Variants in TLL1 observed in about 807,000 individuals in gnomAD.
TLL1 encodes tolloid like 1, also known as tolloid-like protein 1.
In TLL1, 49 loss-of-function variants were observed where a neutral mutation model predicts 128.2. The ratio of observed to expected loss-of-function variants is 0.38; its 90% CI spans 0.30 to 0.48. The LOEUF is 0.48. Ranked by LOEUF, TLL1 falls within the 20% of genes least tolerant of loss-of-function variation. The pLI, the probability that TLL1 is intolerant of heterozygous loss-of-function variation, is 0.96. For missense variants in TLL1, 1,123 were observed against 1,242.0 expected, an observed-to-expected ratio of 0.90 and a Z score of 1.44; for synonymous variants, 454 against 418.8, an observed-to-expected ratio of 1.08 and a Z score of -1.03.
intron 16 of TLL1, among the ~76,000 whole-genome samples, chr4:166,072,247 C>A (rs1740826599): frequency 6.6e-6 from 1 of 151,878 alleles, no homozygotes; most frequent in Admixed American, 6.6e-5. Flanking sequence ...TATGCTATAT[C>A]AGATGTGCGA....
In TLL1 at chr4:166,078,025, A is replaced by C. The variant is rs200520442; in HGVS notation, c.2437A>C (p.Lys813Gln). ...EISATPGHRI[K>Q]LAFSEFEIEQ... ...CAGCGCCACTCCTGGCCACCGAATC[A>C]AATTAGTAAGTGAGCACATCCTTTT... Residue 813 changes from lysine (K) to glutamine (Q), a missense_variant, in exon 18 of 21, where the codon AAA becomes CAA. Physicochemically the swap from Lys to Gln is moderately conservative, Grantham distance 53 (BLOSUM62 1). Around this residue, in one of 3 missense-constraint regions of TLL1, gnomAD observed 634 missense variants for 672.4 expected, o/e 0.94. Coordinates refer to ENST00000061240, the MANE Select transcript of TLL1 (RefSeq NM_012464.5). The C allele has an allele frequency of 1.9e-5, 31 of 1,613,580 alleles. No homozygotes were observed. The East Asian group carries it at 6.5e-4, about 34-fold the overall frequency.
rs1408495925 is a variant in TLL1 at position 165,873,409 on chromosome 4, G to C, written c.-496G>C. ...ATGTGCAGACCGGATTCATCTTCTC[G>C]GAGCTGCGGCGGCGGCTTTGGGCTC... On this transcript the variant is annotated 5_prime_UTR_variant, in exon 1 of 21. Transcript: ENST00000061240. The C allele has an allele frequency of 6.5e-6, 1 of 152,946 alleles. No homozygotes were observed. The highest frequency in any genetic ancestry group is 1.5e-5 in the Non-Finnish European group (1 of 68,696). 9.5% of individuals were successfully genotyped at this position (152,946 alleles called of 1,614,324 possible).
intron 1 of TLL1, among the ~76,000 whole-genome samples, chr4:165,897,948 C>T (rs527526700): frequency 5.9e-5 from 9 of 152,040 alleles, no homozygotes; most frequent in East Asian, 3.9e-4. Context: ...GCTTCACATC[C>T]GTTGTAAGTT....
intron 19 of TLL1, among the ~76,000 whole-genome samples, chr4:166,094,878 C>T (rs1560868098): frequency 6.6e-6 from 1 of 151,990 alleles, no homozygotes; most frequent in African/African-American, 2.4e-5. Flanking sequence ...TTTGCATCTG[C>T]TTTGGACAAT....
chr4:165,905,404 A>C, intron 1 of TLL1, among the ~76,000 whole-genome samples: 1 of 152,224 alleles, frequency 6.6e-6, no homozygotes, highest in East Asian at 1.9e-4. Flanking sequence ...AATTCAACTT[A>C]TGTTGGATTT....
intron 1 of TLL1, among the ~76,000 whole-genome samples, chr4:165,895,837 A>G (rs567441376): frequency 2.0e-5 from 3 of 152,188 alleles, no homozygotes; most frequent in Admixed American, 6.6e-5. Flanking sequence ...AGATACGTAA[A>G]TAGAATGAAA....
intron 1 of TLL1, among the ~76,000 whole-genome samples, chr4:165,911,478 G>A (rs1340045165): frequency 6.6e-6 from 1 of 152,150 alleles, no homozygotes; most frequent in Non-Finnish European, 1.5e-5. Context: ...CTTTGATGAT[G>A]AGAATAGTCT....
chr4:165,959,709 G>T (rs1206706702), intron 1 of TLL1, among the ~76,000 whole-genome samples: 1 of 151,964 alleles, frequency 6.6e-6, no homozygotes, highest in Non-Finnish European at 1.5e-5. Flanking sequence ...CCACACTATT[G>T]CATGGAAATT....
intron 1 of TLL1, among the ~76,000 whole-genome samples, chr4:165,885,941 G>A (rs1579441480): frequency 1.3e-5 from 2 of 152,044 alleles, no homozygotes; most frequent in Non-Finnish European, 2.9e-5. Context: ...ACTTCTGCTT[G>A]CCACAATTGG....
At chr4:166,068,818 A>G (rs1046291408) in intron 16 of TLL1, among the ~76,000 whole-genome samples, 1 of 151,830 alleles carries the variant, frequency 6.6e-6, no homozygotes, top group African/African-American at 2.4e-5. Flanking sequence ...CTGTGCTACA[A>G]AGATGGTTCA....
intron 18 of TLL1, among the ~76,000 whole-genome samples, chr4:166,086,316 A>G (rs1741512406): frequency 6.6e-6 from 1 of 152,126 alleles, no homozygotes; most frequent in Admixed American, 6.6e-5. Flanking sequence ...TGTTCTAGTT[A>G]TCTACTGCTG....
At chr4:166,015,516 T>C (rs1400986276) in intron 8 of TLL1, among the ~76,000 whole-genome samples, 1 of 152,060 alleles carries the variant, frequency 6.6e-6, no homozygotes, top group East Asian at 1.9e-4. Context: ...GAAATTCTTA[T>C]ATTAATTAAA....
intron 9 of TLL1, among the ~76,000 whole-genome samples, chr4:166,033,658 C>T (rs552050770): frequency 1.1e-4 from 17 of 152,024 alleles, no homozygotes; most frequent in Non-Finnish European, 2.2e-4. Context: ...CATATTATAC[C>T]ACAATTTAAA....
chr4:165,899,264 C>G (rs1046061589), intron 1 of TLL1, among the ~76,000 whole-genome samples: 1 of 151,968 alleles, frequency 6.6e-6, no homozygotes, highest in Middle Eastern at 3.2e-3. Flanking sequence ...CTTCTGCTAG[C>G]TTTTGAATTT....
intron 12 of TLL1, among the ~76,000 whole-genome samples, chr4:166,045,478 C>T (rs1739422286): frequency 6.6e-6 from 1 of 152,080 alleles, no homozygotes; most frequent in African/African-American, 2.4e-5. Context: ...GATGACTTTA[C>T]ACCACCACTG....
intron 9 of TLL1, among the ~76,000 whole-genome samples, chr4:166,029,266 T>A (rs1187597477): frequency 6.6e-6 from 1 of 152,008 alleles, no homozygotes; most frequent in African/African-American, 2.4e-5. Context: ...CAAATTATAT[T>A]TAATTTGTAT....
chr4:166,042,174 C>A (rs1475321461), intron 11 of TLL1, 31 bp downstream of exon 11: 5 of 1,323,086 alleles, frequency 3.8e-6, no homozygotes, highest in South Asian at 2.3e-5. Context: ...GAGAGTAGTT[C>A]ATCTTATATC....
chr4:166,095,377 T>C (rs9308120), intron 19 of TLL1, among the ~76,000 whole-genome samples: 113,804 of 151,648 alleles, frequency 0.75, 42,916 homozygotes, highest in East Asian at 0.89. Context: ...ATTACTCCAG[T>C]CTTAAATAAG....
chr4:165,881,354 A>G (rs1730957628), intron 1 of TLL1, among the ~76,000 whole-genome samples: 1 of 152,188 alleles, frequency 6.6e-6, no homozygotes, highest in Non-Finnish European at 1.5e-5. Flanking sequence ...ATCAATTAAC[A>G]TTATCCCTCC....
Sources: allele counts gnomAD v4.1 joint callset (sites outside exome capture counted in the v4.1 genomes callset), GRCh38; gene constraint gnomAD v4.1.1; regional missense constraint gnomAD v4.1.1; transcripts MANE v1.5; gene names NCBI Gene and HGNC (gene_info 2026-07-23, HGNC 2026-07-21).